Variants in SMARCC1 observed in about 807,000 individuals in gnomAD.
SMARCC1 encodes the protein SWI/SNF related BAF chromatin remodeling complex subunit C1, also known as SWI/SNF complex subunit SMARCC1.
SMARCC1 carries 43 observed loss-of-function variants against 147.4 expected under a neutral mutation model. That is an observed-to-expected ratio of 0.29 (90% CI 0.23 to 0.38). The LOEUF (loss-of-function observed/expected upper bound fraction) is 0.38, where lower values mean the gene tolerates loss of function less well. Among genes scored for constraint, SMARCC1 ranks in the 10% least tolerant of loss-of-function variants. SMARCC1 has a pLI of 1.00. For synonymous variants in SMARCC1, 495 were observed against 484.4 expected, an observed-to-expected ratio of 1.02 and a Z score of -0.29; for missense variants, 1,119 against 1,381.1, an observed-to-expected ratio of 0.81 and a Z score of 3.01.
rs528382258 is a variant in SMARCC1 at position 47,702,086 on chromosome 3, C to T, written c.1041-684G>A. Among the ~76,000 whole-genome samples the T allele has an allele frequency of 2.6e-5, 4 of 151,952 alleles. No individual in the cohort carries two copies. The East Asian group carries it at 7.8e-4, about 29-fold the overall frequency. On this transcript the variant is annotated intron_variant, in intron 10 of 27. Coordinates refer to ENST00000254480, the MANE Select transcript of SMARCC1 (RefSeq NM_003074.4). Reference sequence around the variant, plus strand: ...ATACGTACCATTGTGTTTTAATGGCCCTTTTATCATCCAAATATCAGGAAC... The same window carrying T: ...ATACGTACCATTGTGTTTTAATGGCTCTTTTATCATCCAAATATCAGGAAC...
chr3:47,589,737 A>G (rs2032146449), intron 27 of SMARCC1, among the ~76,000 whole-genome samples: 1 of 152,206 alleles, frequency 6.6e-6, no homozygotes, highest in Non-Finnish European at 1.5e-5. Context: ...AAGGCACATC[A>G]CAGTCTCATG....
At chr3:47,637,451 C>T (rs1484655029) in intron 22 of SMARCC1, among the ~76,000 whole-genome samples, 3 of 152,260 alleles carry the variant, frequency 2.0e-5, no homozygotes, top group East Asian at 3.9e-4. Context: ...GTGGCTCATA[C>T]CTGTAATCCC....
intron 2 of SMARCC1, among the ~76,000 whole-genome samples, chr3:47,757,094 A>C (rs372994929): frequency 6.6e-6 from 1 of 152,050 alleles, no homozygotes; most frequent in African/African-American, 2.4e-5. Context: ...ACAAAAAAAC[A>C]GAAAAAATTA....
chr3:47,663,815 C>T, intron 19 of SMARCC1: 1 of 1,583,938 alleles, frequency 6.3e-7, no homozygotes, highest in South Asian at 1.1e-5. Context: ...CTATTCCTTC[C>T]ACCGGGGCAA....
chr3:47,760,410 C>A (rs377648353), intron 2 of SMARCC1, among the ~76,000 whole-genome samples: 1 of 152,220 alleles, frequency 6.6e-6, no homozygotes, highest in Non-Finnish European at 1.5e-5. Flanking sequence ...TGCCAGTAAT[C>A]TCAGCACTTT....
intron 5 of SMARCC1, among the ~76,000 whole-genome samples, chr3:47,735,509 C>A (rs1340851448): frequency 1.6e-4 from 25 of 152,008 alleles, no homozygotes; most frequent in Admixed American, 1.6e-3. Context: ...GTGGCTCATG[C>A]CTGTAATCCC....
chr3:47,627,032 G>C (rs747893543), intron 24 of SMARCC1, among the ~76,000 whole-genome samples: 8 of 152,014 alleles, frequency 5.3e-5, no homozygotes, highest in Non-Finnish European at 1.2e-4. Context: ...CCAGCTGTTT[G>C]GTGTTAAAAT....
chr3:47,740,928 G>T (rs1003102780), intron 3 of SMARCC1, among the ~76,000 whole-genome samples: 1 of 150,302 alleles, frequency 6.7e-6, no homozygotes, highest in Admixed American at 6.6e-5. Flanking sequence ...AAGTTGTAAT[G>T]AAATGACTCT....
intron 2 of SMARCC1, among the ~76,000 whole-genome samples, chr3:47,765,569 A>C (rs2034829404): frequency 2.0e-5 from 3 of 152,118 alleles, no homozygotes; most frequent in Admixed American, 1.3e-4. Flanking sequence ...CAGAGTTCTA[A>C]GCTACAAACT....
intron 7 of SMARCC1, among the ~76,000 whole-genome samples, chr3:47,716,475 T>C (rs2034158523): frequency 6.7e-6 from 1 of 148,416 alleles, no homozygotes; most frequent in Non-Finnish European, 1.5e-5. Context: ...GATTAGAAAT[T>C]GAAATGTGGG....
intron 19 of SMARCC1, among the ~76,000 whole-genome samples, chr3:47,665,871 G>C (rs2033414146): frequency 1.4e-5 from 2 of 147,884 alleles, no homozygotes; most frequent in Non-Finnish European, 3.0e-5. Flanking sequence ...TTTTTTGTGA[G>C]ACACGGTCTT....
chr3:47,690,530 A>C (rs929196912), intron 12 of SMARCC1, among the ~76,000 whole-genome samples: 7 of 152,224 alleles, frequency 4.6e-5, no homozygotes, highest in Admixed American at 4.6e-4. Context: ...GAAAGCCACT[A>C]TGAACATGAA....
chr3:47,693,116 G>C (rs1222952285), intron 12 of SMARCC1, 125 bp downstream of exon 12: 4 of 663,700 alleles, frequency 6.0e-6, no homozygotes, highest in Non-Finnish European at 1.1e-5. Context: ...GCTGTGGTGA[G>C]CTATATTACA....
chr3:47,718,138 CAAAAAAAAAAAAAA>C (rs71070217), intron 7 of SMARCC1, among the ~76,000 whole-genome samples: 1 of 53,678 alleles, frequency 1.9e-5, no homozygotes, highest in African/African-American at 8.0e-5. Context: ...GACCTTGTCT[CAAAAAAAAAAAAAA>C]AAAAAAAAAA....
At chr3:47,631,530 A>G (rs541882030) in intron 24 of SMARCC1, among the ~76,000 whole-genome samples, 1 of 152,320 alleles carries the variant, frequency 6.6e-6, no homozygotes, top group African/African-American at 2.4e-5. Context: ...GCACCCAAAC[A>G]ATGGTACTTC....
At position 47,613,580 on chromosome 3, in the gene SMARCC1, G is replaced by C. The variant is rs147166527; in HGVS notation, c.2782-3253C>G. Among the ~76,000 whole-genome samples, 596 of 152,074 alleles carry C rather than the reference G, an allele frequency of 3.9e-3. 5 individuals are homozygous for C. The highest frequency in any genetic ancestry group is 0.013 in the African/African-American group (541 of 41,492). On this transcript the variant is annotated intron_variant, in intron 25 of 27. Transcript: ENST00000254480. ...TCACCATGTTGGCCAGACTGGTCTTGAACTCCTGACCTCAGGTGATCCGCC... is the reference window on the plus strand; with the variant it reads ...TCACCATGTTGGCCAGACTGGTCTTCAACTCCTGACCTCAGGTGATCCGCC...
chr3:47,725,641 G>A (rs996946195), intron 6 of SMARCC1, among the ~76,000 whole-genome samples: 8 of 151,838 alleles, frequency 5.3e-5, no homozygotes, highest in Middle Eastern at 3.2e-3. Context: ...TAGTAGAGAC[G>A]GGGTTTCACC....
At chr3:47,739,610 A>C (rs1049172208) in intron 3 of SMARCC1, among the ~76,000 whole-genome samples, 1 of 152,158 alleles carries the variant, frequency 6.6e-6, no homozygotes, top group African/African-American at 2.4e-5. Flanking sequence ...CTGACATTAC[A>C]GGGGTGAGCC....
intron 12 of SMARCC1, among the ~76,000 whole-genome samples, chr3:47,690,215 A>G (rs2033774520): frequency 6.6e-6 from 1 of 152,260 alleles, no homozygotes; most frequent in South Asian, 2.1e-4. Flanking sequence ...AAAGAAAAGA[A>G]AAAGGGTTGG....
Sources: allele counts gnomAD v4.1 joint callset (sites outside exome capture counted in the v4.1 genomes callset), GRCh38; gene constraint gnomAD v4.1.1; transcripts MANE v1.5; gene names NCBI Gene and HGNC (gene_info 2026-07-23, HGNC 2026-07-21).